Variants in SGCZ observed in about 807,000 individuals in gnomAD.
SGCZ encodes the protein sarcoglycan zeta.
A neutral mutation model predicts 41.3 loss-of-function variants in SGCZ; 40 were observed. That is an observed-to-expected ratio of 0.97 (90% CI 0.75 to 1.26). The LOEUF (loss-of-function observed/expected upper bound fraction) is 1.26, where lower values mean the gene tolerates loss of function less well. SGCZ is among the 50% of genes most tolerant of loss of function. The pLI, the probability that SGCZ is intolerant of heterozygous loss-of-function variation, is 0.00. For missense variants in SGCZ, 552 were observed against 369.8 expected, an observed-to-expected ratio of 1.49 and a Z score of -4.04; for synonymous variants, 206 against 137.5, an observed-to-expected ratio of 1.50 and a Z score of -3.49.
At chr8:15,077,625 A>G (rs1408150327) in intron 1 of SGCZ, among the ~76,000 whole-genome samples, 1 of 152,196 alleles carries the variant, frequency 6.6e-6, no homozygotes, top group Non-Finnish European at 1.5e-5. Flanking sequence ...GAATAGCCCC[A>G]AATTTCATTT....
intron 1 of SGCZ, among the ~76,000 whole-genome samples, chr8:14,708,134 T>G (rs1272645270): frequency 6.6e-6 from 1 of 151,964 alleles, no homozygotes; most frequent in African/African-American, 2.4e-5. Context: ...AATTTAAATT[T>G]TAATTAAATT....
At chr8:14,551,143 G>C (rs920158017) in intron 2 of SGCZ, among the ~76,000 whole-genome samples, 1 of 144,718 alleles carries the variant, frequency 6.9e-6, no homozygotes, top group African/African-American at 2.5e-5. Flanking sequence ...TGGCTAGTTA[G>C]CATATCTATC....
intron 2 of SGCZ, among the ~76,000 whole-genome samples, chr8:14,449,759 T>A (rs1800538353): frequency 6.6e-6 from 1 of 152,150 alleles, no homozygotes; most frequent in African/African-American, 2.4e-5. Context: ...TGTGGCCATA[T>A]TCTAGGCTTA....
intron 1 of SGCZ, among the ~76,000 whole-genome samples, chr8:14,583,258 A>T (rs1305058661): frequency 6.6e-6 from 1 of 151,530 alleles, no homozygotes; most frequent in East Asian, 1.9e-4. Flanking sequence ...TCTGATGGCC[A>T]GTGATGGTGA....
chr8:14,102,434 G>T lies in SGCZ; in HGVS notation c.686C>A (p.Ala229Glu). The T allele has an allele frequency of 6.5e-7, 1 of 1,536,232 alleles. No homozygotes were observed. The highest frequency in any genetic ancestry group is 1.2e-5 in the South Asian group (1 of 80,196). Reference protein sequence around the residue: ...APRGVQVSAAAGDFKATCRKE... With the variant: ...APRGVQVSAAEGDFKATCRKE... The stretch of plus-strand genomic sequence containing the variant: ...CCTGCAGGTGGCCTTGAAGTCTCCT[G>T]CAGCAGCACTCACCTGGACCCCACG... Residue 229 changes from alanine to glutamate, a missense_variant, in exon 7 of 8, where the codon GCA (alanine) becomes GAA (glutamate). Transcript: ENST00000382080.
chr8:14,463,661 T>C lies in SGCZ; in HGVS notation c.234+91071A>G, dbSNP rs371287194. On this transcript the variant is annotated intron_variant, in intron 2 of 7. Coordinates refer to ENST00000382080, the MANE Select transcript of SGCZ (RefSeq NM_139167.4). Reference sequence around the variant, plus strand: ...CAAACTGTATTTTGTGAAAATATTTTCAAAAATGTGTAACAAAAGGCACTA... The same window carrying C: ...CAAACTGTATTTTGTGAAAATATTTCCAAAAATGTGTAACAAAAGGCACTA... Among the ~76,000 whole-genome samples, 52 of 151,828 alleles carry C rather than the reference T, an allele frequency of 3.4e-4. 1 individual carries two copies. The East Asian group carries it at 6.0e-3, about 18-fold the overall frequency.
At chr8:15,032,669 C>T (rs886820843) in intron 1 of SGCZ, among the ~76,000 whole-genome samples, 1 of 152,108 alleles carries the variant, frequency 6.6e-6, no homozygotes, top group Non-Finnish European at 1.5e-5. Flanking sequence ...TTAGGACCTA[C>T]CCCATTGCCA....
At position 14,566,249 on chromosome 8, in the gene SGCZ, T is replaced by G. The variant is rs577075772; in HGVS notation, c.40-11323A>C. On this transcript the variant is annotated intron_variant, in intron 1 of 7. Transcript: ENST00000382080. ...TTTTATTCTCTTGAATTATTTACAT[T>G]TTAAAAGAGAAAAAAGATAAGCCCG... 2.3e-3 allele frequency among the ~76,000 whole-genome samples: 348 copies of G among 152,296 alleles called. 1 individual carries two copies. The highest frequency in any genetic ancestry group is 4.2e-3 in the Non-Finnish European group (286 of 68,026).
Position 14,435,751 on chromosome 8 carries a change from T to A in SGCZ, c.235-111547A>T, listed in dbSNP as rs148944594. Among the ~76,000 whole-genome samples, 210 of 152,314 alleles carry A rather than the reference T, an allele frequency of 1.4e-3. 1 individual carries two copies. The highest frequency in any genetic ancestry group is 4.4e-3 in the African/African-American group (184 of 41,574). On this transcript the variant is annotated intron_variant, in intron 2 of 7. Transcript: ENST00000382080. ...TTGAATATGATTAATGAAATACACA[T>A]ATGACTAAACTGCAAATACGTGAAC...
At chr8:14,791,470 AATC>A (rs1283272328) in intron 1 of SGCZ, among the ~76,000 whole-genome samples, 3 of 151,574 alleles carry the variant, frequency 2.0e-5, no homozygotes, top group Admixed American at 6.6e-5. Context: ...AAAAAAAAAA[AATC>A]CTATTTTTCC....
chr8:14,720,401 G>C lies in SGCZ; in HGVS notation c.40-165475C>G, dbSNP rs192090759. Among the ~76,000 whole-genome samples the C allele has an allele frequency of 8.7e-4, 133 of 152,182 alleles. 2 individuals are homozygous for C. Among genetic ancestry groups the C allele is most frequent in the African/African-American group, 3.1e-3 (127 of 41,562 alleles). ...TATAACAATAAAGAGAATAACTACT[G>C]TAAACAAATTTTTCTAAATAAAACA... On this transcript the variant is annotated intron_variant, in intron 1 of 7. Coordinates refer to ENST00000382080, the MANE Select transcript of SGCZ (RefSeq NM_139167.4).
intron 1 of SGCZ, among the ~76,000 whole-genome samples, chr8:15,043,483 A>G (rs1585505175): frequency 6.6e-6 from 1 of 152,260 alleles, no homozygotes; most frequent in Admixed American, 6.5e-5. Flanking sequence ...ACTTAAGTAA[A>G]TCATATTTTT....
chr8:14,159,789 T>C (rs1306773769), intron 5 of SGCZ, among the ~76,000 whole-genome samples: 2 of 152,106 alleles, frequency 1.3e-5, no homozygotes, highest in Admixed American at 1.3e-4. Flanking sequence ...AATAGAAAGG[T>C]TGAGTCCAAA....
At chr8:14,785,023 C>G (rs1318214694) in intron 1 of SGCZ, among the ~76,000 whole-genome samples, 2 of 139,956 alleles carry the variant, frequency 1.4e-5, no homozygotes, top group Admixed American at 1.5e-4. Context: ...AGCAGAAAAT[C>G]TGATCAAGAA....
chr8:14,675,885 G>A (rs1264448437), intron 1 of SGCZ, among the ~76,000 whole-genome samples: 1 of 152,206 alleles, frequency 6.6e-6, no homozygotes, highest in Non-Finnish European at 1.5e-5. Flanking sequence ...TTCTTGCTGA[G>A]TTTGGAGACA....
intron 4 of SGCZ, among the ~76,000 whole-genome samples, chr8:14,209,491 T>A (rs959700517): frequency 6.6e-6 from 1 of 152,160 alleles, no homozygotes; most frequent in African/African-American, 2.4e-5. Context: ...ATCAGGAGTG[T>A]GGAAAGAGTA....
At chr8:14,430,591 C>T (rs1035924731) in intron 2 of SGCZ, among the ~76,000 whole-genome samples, 9 of 152,020 alleles carry the variant, frequency 5.9e-5, no homozygotes, top group African/African-American at 1.9e-4. Context: ...CAACATAATA[C>T]GGAATGGGGA....
At chr8:14,584,164 G>A (rs1366091955) in intron 1 of SGCZ, among the ~76,000 whole-genome samples, 1 of 152,122 alleles carries the variant, frequency 6.6e-6, no homozygotes, top group Non-Finnish European at 1.5e-5. Context: ...GCAAAAGGGG[G>A]AATAACTACT....
intron 2 of SGCZ, among the ~76,000 whole-genome samples, chr8:14,535,704 G>T (rs908225869): frequency 6.6e-6 from 1 of 151,686 alleles, no homozygotes; most frequent in Non-Finnish European, 1.5e-5. Context: ...ATCATTCCAA[G>T]ATTTCACACA....
Sources: gnomAD v4.1 joint callset for allele counts (sites outside exome capture counted in the v4.1 genomes callset) on GRCh38, gnomAD v4.1.1 for gene constraint, MANE v1.5 for transcripts, NCBI Gene and HGNC (gene_info 2026-07-23, HGNC 2026-07-21) for gene names.